The following KLC3 variants were observed in gnomAD, a reference collection of about 807,000 sequenced individuals.
KLC3 encodes the protein kinesin light chain 2.
Under a neutral mutation model 62.9 loss-of-function variants are expected in KLC3, and 72 were observed. The observed-to-expected ratio is 1.15, with a 90% confidence interval of 0.95 to 1.39. The LOEUF (loss-of-function observed/expected upper bound fraction) is 1.39, where lower values mean the gene tolerates loss of function less well. Ranked by LOEUF, KLC3 falls within the 40% of genes most tolerant of loss-of-function variation. The pLI is 0.00. For missense variants in KLC3, 848 were observed against 691.6 expected, an observed-to-expected ratio of 1.23 and a Z score of -2.54; for synonymous variants, 377 against 300.5, an observed-to-expected ratio of 1.25 and a Z score of -2.63.
Position 45,351,010 on chromosome 19 carries a change from G to A in KLC3, c.1436G>A (p.Gly479Glu), listed in dbSNP as rs1971735429. Residue 479 changes from glycine (G) to glutamate (E), a missense_variant, in exon 12 of 13, where the codon GGG (glycine) becomes GAG (glutamate). Coordinates refer to ENST00000391946, the MANE Select transcript of KLC3 (RefSeq NM_177417.3). ...TLNVDAPRAP[G>E]TQFPSWHLDK... Reference sequence around the variant, plus strand: ...AACGTGGATGCTCCAAGGGCTCCTGGGACTCAGGTGAGGGGGACATCTGGG... The same window carrying A: ...AACGTGGATGCTCCAAGGGCTCCTGAGACTCAGGTGAGGGGGACATCTGGG... 1 of 1,614,106 alleles carries A rather than the reference G, an allele frequency of 6.2e-7. No homozygotes were observed. The highest frequency in any genetic ancestry group is 1.7e-5 in the Admixed American group (1 of 60,014).
rs1034755619 is a variant in KLC3, at chr19:45,346,869, C to T, written c.489+95C>T. On this transcript the variant is annotated intron_variant, in intron 3 of 12. Coordinates refer to ENST00000391946, the MANE Select transcript of KLC3 (RefSeq NM_177417.3). Reference sequence around the variant, plus strand: ...TTAGAATCCCACAGTCCCCAAGATCCTCCTTAGAATCCCACAGTCCCCCAG... The same window carrying T: ...TTAGAATCCCACAGTCCCCAAGATCTTCCTTAGAATCCCACAGTCCCCCAG... 1.7e-5 allele frequency: 20 copies of T among 1,204,440 alleles called. No individual in the cohort carries two copies. In the African/African-American group the frequency reaches 3.0e-4, roughly 18 times the overall value. 74.6% of individuals were successfully genotyped at this position (1,204,440 alleles called of 1,614,324 possible).
Position 45,348,552 on chromosome 19 carries a change from G to C in KLC3, c.780-94G>C. ...TGCCACCCATGCTTGGTTCAGCCAG[G>C]TTCCCTGGGCCTGTCAGGATTGGCC... On this transcript the variant is annotated intron_variant, in intron 5 of 12. Transcript: ENST00000391946. The C allele has an allele frequency of 4.8e-6, 6 of 1,261,300 alleles. No homozygotes were observed. In the South Asian group the frequency reaches 6.6e-5, roughly 14 times the overall value. The allele number at this position is 1,261,300 out of a possible 1,614,324, so 78.1% of individuals were successfully genotyped here.
chr19:45,348,928 T>G lies in KLC3; in HGVS notation c.969+7T>G, dbSNP rs1568524877. 1.3e-6 allele frequency: 2 copies of G among 1,568,782 alleles called. No homozygotes were observed. Among genetic ancestry groups the G allele is most frequent in the Non-Finnish European group, 8.6e-7 (1 of 1,156,284 alleles). ...TTTGGAGATCCGAGAGAAGGTCCCA[T>G]CCCCCTCACCCCACCCCGAGGAACC... is the stretch of plus-strand genomic sequence containing the variant. On this transcript the variant is annotated splice_region_variant and intron_variant, in intron 7 of 12. Coordinates refer to ENST00000391946, the MANE Select transcript of KLC3 (RefSeq NM_177417.3).
intron 1 of KLC3, among the ~76,000 whole-genome samples, chr19:45,342,067 A>C (rs1238904696): frequency 6.6e-6 from 1 of 151,684 alleles, no homozygotes; most frequent in African/African-American, 2.4e-5. Flanking sequence ...CGAGTGCTGG[A>C]TGGCTGTGGT....
chr19:45,348,659 T>C lies in KLC3; in HGVS notation c.793T>C (p.Tyr265His), dbSNP rs1971572294. ...CGCCCCCCACAGGGACCAGAACAAG[T>C]ACAAAGAAGCCACAGACCTTCTCCA... ...LALVYRDQNKYKEATDLLHDA... is the reference protein window; with the variant it reads ...LALVYRDQNKHKEATDLLHDA... Residue 265 changes from tyrosine (Y) to histidine (H), a missense_variant, in exon 6 of 13, where the codon TAC (tyrosine) becomes CAC (histidine). Tyr to His is a moderately conservative substitution (Grantham distance 83). Transcript: ENST00000391946. The C allele has an allele frequency of 1.3e-6, 2 of 1,584,900 alleles. No homozygotes were observed. The highest frequency in any genetic ancestry group is 1.7e-6 in the Non-Finnish European group (2 of 1,165,930).
At position 45,350,551 on chromosome 19, in the gene KLC3, G is replaced by A; in HGVS notation, c.1272G>A (p.Gln424=). Reference sequence around the variant, plus strand: ...CAGGCACAGCTGGTGACGCAGAACAGGTGAGGATGGGCTGTGCTTCGGCTC... The same window carrying A: ...CAGGCACAGCTGGTGACGCAGAACAAGTGAGGATGGGCTGTGCTTCGGCTC... ...PNTGTAGDAE[Q]ALRRSSSLSK... is the part of the protein sequence containing the mutation. The change falls in exon 10 of 13, where the codon CAG becomes CAA. Residue 424 remains glutamine, a splice_region_variant and synonymous_variant. Transcript: ENST00000391946. 1 of 1,613,976 alleles carries A rather than the reference G, an allele frequency of 6.2e-7. No individual in the cohort carries two copies. Among genetic ancestry groups the A allele is most frequent in the Non-Finnish European group, 8.5e-7 (1 of 1,179,976 alleles).
intron 5 of KLC3, 50 bp downstream of exon 5, chr19:45,348,210 T>C (rs1377389496): frequency 1.3e-6 from 2 of 1,493,316 alleles, no homozygotes; most frequent in Admixed American, 2.0e-5. Flanking sequence ...CAGGGACCCA[T>C]TGGGTGCAAG....
At chr19:45,347,323 C>T in intron 3 of KLC3, 124 bp from the exon 4 acceptor site, 5 of 675,158 alleles carry the variant, frequency 7.4e-6, no homozygotes, top group Non-Finnish European at 1.2e-5. Context: ...GCCTGTGCAA[C>T]AAGCGAAACT....
Position 45,351,366 on chromosome 19 carries a change from G to A in KLC3, c.*9G>A, listed in dbSNP as rs1971765724. ...ACCTGAGCCCCCACTAACGTCCAGTGAACTGCGCTGGCCGCAGCTTCTTGG... is the reference window on the plus strand; with the variant it reads ...ACCTGAGCCCCCACTAACGTCCAGTAAACTGCGCTGGCCGCAGCTTCTTGG... On this transcript the variant is annotated 3_prime_UTR_variant, in exon 13 of 13. Transcript: ENST00000391946. 4 of 1,609,690 alleles carry A rather than the reference G, an allele frequency of 2.5e-6. No homozygotes were observed. The highest frequency in any genetic ancestry group is 2.5e-6 in the Non-Finnish European group (3 of 1,179,990).
chr19:45,343,505 T>C (rs570369184), intron 1 of KLC3, among the ~76,000 whole-genome samples: 4 of 152,100 alleles, frequency 2.6e-5, no homozygotes, highest in Non-Finnish European at 5.9e-5. Context: ...CTGGCTAATT[T>C]TGTATTTTTA....
At chr19:45,341,878 G>A (rs551629915) in intron 1 of KLC3, among the ~76,000 whole-genome samples, 32 of 152,178 alleles carry the variant, frequency 2.1e-4, no homozygotes, top group African/African-American at 7.7e-4. Flanking sequence ...GTTTGTGGGA[G>A]ATGGGAGTGG....
chr19:45,341,776 CGTGTGTGTGT>C (rs3047585), intron 1 of KLC3, among the ~76,000 whole-genome samples: 19 of 134,944 alleles, frequency 1.4e-4, no homozygotes, highest in Admixed American at 5.1e-4. Flanking sequence ...GCCGTGTGTG[CGTGTGTGTGT>C]GTGTGTGTGT....
At chr19:45,351,043 T>G (rs185975564) in intron 12 of KLC3, 26 bp downstream of exon 12, 1 of 1,613,558 alleles carries the variant, frequency 6.2e-7, no homozygotes, top group Non-Finnish European at 8.5e-7. Context: ...GGGTCAAAAA[T>G]AGAGGAGGCC....
At chr19:45,343,147 G>C (rs368902142) in intron 1 of KLC3, among the ~76,000 whole-genome samples, 1 of 152,104 alleles carries the variant, frequency 6.6e-6, no homozygotes, top group East Asian at 1.9e-4. Flanking sequence ...GTGAATCTTG[G>C]GAGTGTGTGC....
At chr19:45,350,257 TAC>T in intron 8 of KLC3, 82 bp from the exon 9 acceptor site, 3 of 945,468 alleles carry the variant, frequency 3.2e-6, no homozygotes, top group Non-Finnish European at 1.5e-6. Context: ...CCCCTGTCTC[TAC>T]AAAAAAAAAA....
intron 2 of KLC3, 56 bp from the exon 3 acceptor site, chr19:45,346,486 CAG>C: frequency 7.0e-7 from 1 of 1,421,506 alleles, no homozygotes; most frequent in Non-Finnish European, 9.4e-7. Context: ...TGGGCTGGGT[CAG>C]GGGCCGTCTG....
At chr19:45,350,291 G>T in intron 8 of KLC3, 50 bp from the exon 9 acceptor site, 7 of 1,368,770 alleles carry the variant, frequency 5.1e-6, no homozygotes, top group East Asian at 2.3e-5. Flanking sequence ...ACTGGATGCA[G>T]TGTTGGGAAC....
At chr19:45,350,846 C>CCAT in intron 11 of KLC3, 99 bp downstream of exon 11, 1 of 1,400,780 alleles carries the variant, frequency 7.1e-7, no homozygotes, top group Non-Finnish European at 1.0e-6. Context: ...TCCATGGCTC[C>CCAT]CATCTCCCCT....
rs958026494 is a variant in KLC3, at chr19:45,346,537, C to T, written c.259-7C>T. 58 of 1,521,476 alleles carry T rather than the reference C, an allele frequency of 3.8e-5. No homozygotes were observed. Among genetic ancestry groups the T allele is most frequent in the Non-Finnish European group, 4.5e-5 (51 of 1,131,618 alleles). The allele number at this position is 1,521,476 out of a possible 1,614,324, so 94.2% of individuals were successfully genotyped here. On this transcript the variant is annotated splice_region_variant and splice_polypyrimidine_tract_variant and intron_variant, in intron 2 of 12. Coordinates refer to ENST00000391946, the MANE Select transcript of KLC3 (RefSeq NM_177417.3). ...CAACCTCGACTTGGGACCCCCACCCCGGGCAGGTGCTGCTGGCCCTGTCGG... is the reference window on the plus strand; with the variant it reads ...CAACCTCGACTTGGGACCCCCACCCTGGGCAGGTGCTGCTGGCCCTGTCGG...
Sources: gnomAD v4.1 joint callset for allele counts (sites outside exome capture counted in the v4.1 genomes callset) on GRCh38, gnomAD v4.1.1 for gene constraint, MANE v1.5 for transcripts, NCBI Gene and HGNC (gene_info 2026-07-23, HGNC 2026-07-21) for gene names.